The following LLPH variants were observed in gnomAD, a reference collection of about 807,000 sequenced individuals.
LLPH encodes protein LLP homolog.
Under a neutral mutation model 13.3 loss-of-function variants are expected in LLPH, and 5 were observed. The observed-to-expected ratio is 0.38, with a 90% CI of 0.20 to 0.79. The LOEUF (loss-of-function observed/expected upper bound fraction) is 0.79, where lower values mean the gene tolerates loss of function less well. Among genes scored for constraint, LLPH ranks in the 30% least tolerant of loss-of-function variants. The pLI is 0.45. For synonymous variants in LLPH, 32 were observed against 44.2 expected, an observed-to-expected ratio of 0.72 and a Z score of 1.09; for missense variants, 129 against 152.1, an observed-to-expected ratio of 0.85 and a Z score of 0.80.
At position 66,119,758 on chromosome 12, in the gene LLPH, C is replaced by T. The variant is rs2051451335; in HGVS notation, c.*4082G>A. The T allele has an allele frequency of 6.6e-6, 1 of 152,200 alleles. No homozygotes were observed. The highest frequency in any genetic ancestry group is 1.5e-5 in the Non-Finnish European group (1 of 68,032). 9.4% of individuals were successfully genotyped at this position (152,200 alleles called of 1,614,324 possible). A position where few individuals can be genotyped will look rare whatever the true frequency, so the allele number is the denominator to read the frequency against. The stretch of plus-strand genomic sequence containing the variant: ...CAATTTTATGTTGTGGTCAGCACTT[C>T]CCTAAATTACACATTGCTGCCCCTC... On this transcript the variant is annotated 3_prime_UTR_variant, in exon 3 of 3. Coordinates refer to ENST00000266604, the MANE Select transcript of LLPH (RefSeq NM_032338.4).
chr12:66,128,777 TC>T, intron 2 of LLPH, 118 bp downstream of exon 2: 1 of 697,534 alleles, frequency 1.4e-6, no homozygotes, highest in South Asian at 1.9e-5. Flanking sequence ...GCTCAGGAAT[TC>T]AAGGCTGCAG....
chr12:66,129,131 A>C lies in LLPH; in HGVS notation c.-7-18T>G, dbSNP rs756690467. 6.6e-7 allele frequency: 1 copy of C among 1,507,884 alleles called. No individual in the cohort carries two copies. Among genetic ancestry groups the C allele is most frequent in the Non-Finnish European group, 9.1e-7 (1 of 1,094,896 alleles). 93.4% of individuals were successfully genotyped at this position (1,507,884 alleles called of 1,614,324 possible). A position where few individuals can be genotyped will look rare whatever the true frequency, so the allele number is the denominator to read the frequency against. On this transcript the variant is annotated intron_variant, in intron 1 of 2. Transcript: ENST00000266604. ...TGTTTTACCTGAAGTTAACAAAAAC[A>C]CACATTCAAAAGCAAATCTTTAATA...
At chr12:66,125,985 T>A (rs1325489500) in intron 2 of LLPH, among the ~76,000 whole-genome samples, 1 of 152,124 alleles carries the variant, frequency 6.6e-6, no homozygotes, top group African/African-American at 2.4e-5. Flanking sequence ...ACAGAGTTGA[T>A]GACTCAAGGG....
intron 2 of LLPH, 63 bp from the exon 3 acceptor site, chr12:66,124,081 T>C (rs930587703): frequency 6.4e-6 from 7 of 1,092,810 alleles, no homozygotes; most frequent in African/African-American, 6.3e-5. Flanking sequence ...TGTGAAAGCA[T>C]ATTAATGCAC....
chr12:66,128,619 C>T (rs2051512271), intron 2 of LLPH, among the ~76,000 whole-genome samples: 1 of 152,118 alleles, frequency 6.6e-6, no homozygotes, highest in Non-Finnish European at 1.5e-5. Flanking sequence ...CAAAGACCCA[C>T]TCTAAATAAT....
chr12:66,120,309 CTCTT>C lies in LLPH; in HGVS notation c.*3527_*3530del, dbSNP rs1344855931. ...TATTCTATCCTAAAATCACCTTTCT[CTCTT>C]AGCAAGAGTTTGCACATCCTTGAGA... is the stretch of plus-strand genomic sequence containing the variant. On this transcript the variant is annotated 3_prime_UTR_variant, in exon 3 of 3. Coordinates refer to ENST00000266604, the MANE Select transcript of LLPH (RefSeq NM_032338.4). The C allele has an allele frequency of 6.6e-6, 1 of 152,244 alleles. No individual in the cohort carries two copies. Among genetic ancestry groups the C allele is most frequent in the Non-Finnish European group, 1.5e-5 (1 of 68,044 alleles). The allele number at this position is 152,244 out of a possible 1,614,324, so 9.4% of individuals were successfully genotyped here. A position where few individuals can be genotyped will look rare whatever the true frequency, so the allele number is the denominator to read the frequency against.
At position 66,117,466 on chromosome 12, in the gene LLPH, G is replaced by GT. The variant is rs1268338984; in HGVS notation, c.*6373dup. ...CATCACAGTGCAATGCATTACTCACGTGTTTGTGGTGATGCTGGTGTAAAC... is the reference window on the plus strand; with the variant it reads ...CATCACAGTGCAATGCATTACTCACGTTGTTTGTGGTGATGCTGGTGTAAAC... On this transcript the variant is annotated 3_prime_UTR_variant, in exon 3 of 3. Transcript: ENST00000266604. 6.6e-6 allele frequency: 1 copy of GT among 152,204 alleles called. No individual in the cohort carries two copies. Among genetic ancestry groups the GT allele is most frequent in the Non-Finnish European group, 1.5e-5 (1 of 68,042 alleles). 9.4% of individuals were successfully genotyped at this position (152,204 alleles called of 1,614,324 possible).
rs962302982 is a variant in LLPH, at chr12:66,120,461, A to T, written c.*3379T>A. The T allele has an allele frequency of 3.9e-5, 6 of 152,214 alleles. No individual in the cohort carries two copies. Among genetic ancestry groups the T allele is most frequent in the African/African-American group, 1.4e-4 (6 of 41,452 alleles). The allele number at this position is 152,214 out of a possible 1,614,324, so 9.4% of individuals were successfully genotyped here. A position where few individuals can be genotyped will look rare whatever the true frequency, so the allele number is the denominator to read the frequency against. ...TTCCCCATGTGTAAACAGAGATTAC[A>T]TTAGTACCAAACTCAGATAACATTA... is the stretch of plus-strand genomic sequence containing the variant. On this transcript the variant is annotated 3_prime_UTR_variant, in exon 3 of 3. Transcript: ENST00000266604.
Position 66,117,408 on chromosome 12 carries a change from T to C in LLPH, c.*6432A>G, listed in dbSNP as rs992392882. 1 of 152,210 alleles carries C rather than the reference T, an allele frequency of 6.6e-6. No homozygotes were observed. The highest frequency in any genetic ancestry group is 2.4e-5 in the African/African-American group (1 of 41,462). The allele number at this position is 152,210 out of a possible 1,614,324, so 9.4% of individuals were successfully genotyped here. On this transcript the variant is annotated 3_prime_UTR_variant, in exon 3 of 3. Coordinates refer to ENST00000266604, the MANE Select transcript of LLPH (RefSeq NM_032338.4). ...TAAGATTACAGTAGAGCTGAAACAT[T>C]CCTATGGCCCAGTGACACTGTAGCC...
rs750958556 is a variant in LLPH at position 66,129,019 on chromosome 12, T to C, written c.88A>G (p.Lys30Glu). ...KNAPKEASRL[K>E]SILKLDGDVL... The stretch of plus-strand genomic sequence containing the variant: ...TCACCGTCTAGTTTGAGAATACTTT[T>C]AAGCCTGCTGGCCTCCTTTGGGGCA... The change falls in exon 2 of 3, where the codon AAA (lysine) becomes GAA (glutamate). Residue 30 changes from lysine (K) to glutamate (E), a missense_variant. By Grantham distance (56) the Lys-to-Glu change is moderately conservative. Transcript: ENST00000266604. 5 of 1,611,290 alleles carry C rather than the reference T, an allele frequency of 3.1e-6. No homozygotes were observed. The highest frequency in any genetic ancestry group is 1.7e-4 in the Middle Eastern group (1 of 6,050).
Position 66,119,399 on chromosome 12 carries a change from G to A in LLPH, c.*4441C>T, listed in dbSNP as rs1184489556. 2 of 152,152 alleles carry A rather than the reference G, an allele frequency of 1.3e-5. No homozygotes were observed. The highest frequency in any genetic ancestry group is 2.9e-5 in the Non-Finnish European group (2 of 68,042). The allele number at this position is 152,152 out of a possible 1,614,324, so 9.4% of individuals were successfully genotyped here. ...CTGCGGAAAATTTAGGGTTTTGTAA[G>A]CAGGCCCAAAAGTGGCCCTGGGCCT... On this transcript the variant is annotated 3_prime_UTR_variant, in exon 3 of 3. Coordinates refer to ENST00000266604, the MANE Select transcript of LLPH (RefSeq NM_032338.4).
chr12:66,127,253 G>A (rs1398490244), intron 2 of LLPH, among the ~76,000 whole-genome samples: 1 of 152,150 alleles, frequency 6.6e-6, no homozygotes, highest in Non-Finnish European at 1.5e-5. Flanking sequence ...ACACCCATAA[G>A]GGGAAAGAAA....
chr12:66,125,899 T>C (rs1406286714), intron 2 of LLPH, among the ~76,000 whole-genome samples: 2 of 152,138 alleles, frequency 1.3e-5, no homozygotes, highest in East Asian at 3.8e-4. Context: ...AGACAGATAA[T>C]ACATACCATA....
chr12:66,125,818 A>G (rs1390260802), intron 2 of LLPH, among the ~76,000 whole-genome samples: 2 of 151,260 alleles, frequency 1.3e-5, no homozygotes, highest in Middle Eastern at 3.4e-3. Flanking sequence ...CATTTGAGAA[A>G]AGCTTCTAAT....
chr12:66,125,089 A>C (rs1427964626), intron 2 of LLPH, among the ~76,000 whole-genome samples: 1 of 152,186 alleles, frequency 6.6e-6, no homozygotes, highest in African/African-American at 2.4e-5. Context: ...AAGAACTGGT[A>C]GGCGCTGGTA....
At chr12:66,126,858 G>A (rs2051500504) in intron 2 of LLPH, among the ~76,000 whole-genome samples, 1 of 151,592 alleles carries the variant, frequency 6.6e-6, no homozygotes, top group Admixed American at 6.6e-5. Context: ...TTGAACCTGG[G>A]AGGCAGAGGT....
At position 66,118,028 on chromosome 12, in the gene LLPH, G is replaced by GT. The variant is rs903667615; in HGVS notation, c.*5811dup. ...TAAAGTTAATTTATTATTGAAGAAAGTTTTTTATAAGTTTATGTAGCCTAA... is the reference window on the plus strand; with the variant it reads ...TAAAGTTAATTTATTATTGAAGAAAGTTTTTTTATAAGTTTATGTAGCCTAA... On this transcript the variant is annotated 3_prime_UTR_variant, in exon 3 of 3. Coordinates refer to ENST00000266604, the MANE Select transcript of LLPH (RefSeq NM_032338.4). 6.6e-6 allele frequency: 1 copy of GT among 152,100 alleles called. No individual in the cohort carries two copies. The highest frequency in any genetic ancestry group is 1.5e-5 in the Non-Finnish European group (1 of 68,012). The allele number at this position is 152,100 out of a possible 1,614,324, so 9.4% of individuals were successfully genotyped here.
intron 2 of LLPH, among the ~76,000 whole-genome samples, chr12:66,125,028 A>G (rs1047101926): frequency 6.6e-6 from 1 of 152,212 alleles, no homozygotes; most frequent in Non-Finnish European, 1.5e-5. Flanking sequence ...GTGAACAGCC[A>G]CTATACTCCA....
Position 66,128,918 on chromosome 12 carries a change from T to A in LLPH, c.189A>T (p.Gln63His). The change falls in exon 2 of 3, where the codon CAA becomes CAT. Residue 63 changes from glutamine to histidine, a missense_variant. Physicochemically the swap from Gln to His is conservative, Grantham distance 24 (BLOSUM62 0). Transcript: ENST00000266604. The stretch of plus-strand genomic sequence containing the variant: ...CACCTTTTTCATCTTTTACCTCACA[T>A]TGCATTTTCTCTTGGCAATGTTTGG... ...PKPKHCQEKM[Q>H]CEVKDEKDDM... 1 of 1,611,792 alleles carries A rather than the reference T, an allele frequency of 6.2e-7. No individual in the cohort carries two copies. The highest frequency in any genetic ancestry group is 1.3e-5 in the African/African-American group (1 of 74,892).
Sources: allele counts gnomAD v4.1 joint callset (sites outside exome capture counted in the v4.1 genomes callset), GRCh38; gene constraint gnomAD v4.1.1; transcripts MANE v1.5; gene names NCBI Gene and HGNC (gene_info 2026-07-23, HGNC 2026-07-21).